CAMTA1: variants seen among roughly 807,000 people sequenced by gnomAD.
CAMTA1 encodes the protein calmodulin-binding transcription activator 1.
Under a neutral mutation model 170.9 loss-of-function variants are expected in CAMTA1, and 27 were observed. The observed-to-expected ratio is 0.16, with a 90% confidence interval of 0.12 to 0.22. The LOEUF is 0.22. CAMTA1 is among the 10% of genes least tolerant of loss of function. CAMTA1 has a pLI of 1.00. For synonymous variants in CAMTA1, 833 were observed against 891.5 expected (o/e 0.93, Z 1.17); for missense variants, 1,619 against 2,217.2 (o/e 0.73, Z 5.42).
chr1:7,760,222 G>A (rs1208418214), intron 22 of CAMTA1, among the ~76,000 whole-genome samples: 1 of 152,124 alleles, frequency 6.6e-6, no homozygotes, highest in Non-Finnish European at 1.5e-5. Flanking sequence ...TTGAGAACCG[G>A]GTTTCCAAAC....
At chr1:7,494,836 G>T (rs2093799787) in intron 6 of CAMTA1, among the ~76,000 whole-genome samples, 1 of 151,802 alleles carries the variant, frequency 6.6e-6, no homozygotes. Flanking sequence ...AGGCCAAGAG[G>T]TCTGGTCCAG....
chr1:6,860,634 G>A (rs1664312806), intron 3 of CAMTA1, among the ~76,000 whole-genome samples: 2 of 152,114 alleles, frequency 1.3e-5, no homozygotes, highest in African/African-American at 4.8e-5. Context: ...TCAGGGCCGG[G>A]CGCAATGACT....
chr1:7,185,886 A>G (rs777297393), intron 4 of CAMTA1, among the ~76,000 whole-genome samples: 4 of 152,250 alleles, frequency 2.6e-5, no homozygotes, highest in African/African-American at 9.6e-5. Flanking sequence ...AAAGAGATAC[A>G]AAAACTGGAT....
rs78644822 is a variant in CAMTA1, at chr1:7,455,312, G to A, written c.439-12518G>A. 6.2e-4 allele frequency among the ~76,000 whole-genome samples: 95 copies of A among 152,316 alleles called. No homozygotes were observed. Among genetic ancestry groups the A allele is most frequent in the African/African-American group, 2.3e-3 (94 of 41,560 alleles). On this transcript the variant is annotated intron_variant, in intron 5 of 22. Transcript: ENST00000303635. This position sits in a 1 kb window ranked among gnomAD's most constrained non-coding sequence, Gnocchi z 5.0. ...GCTGTCTGCTCTCTTTTGTAGAGAT[G>A]TTTTCGTGAACTTGAGAAAAAATCG...
At chr1:7,502,041 A>T (rs897172117) in intron 6 of CAMTA1, among the ~76,000 whole-genome samples, 1 of 152,176 alleles carries the variant, frequency 6.6e-6, no homozygotes, top group Non-Finnish European at 1.5e-5. Flanking sequence ...AGCCCCCCGG[A>T]GGAGGAAGCA....
At chr1:6,898,016 A>AACCCTACGAATCCAAAGTTGTTT (rs1676034497) in intron 3 of CAMTA1, among the ~76,000 whole-genome samples, 4 of 152,144 alleles carry the variant, frequency 2.6e-5, no homozygotes, top group Non-Finnish European at 4.4e-5. Context: ...GTATCTGAAA[A>AACCCTACGAATCCAAAGTTGTTT]ACCCTACGAA....
chr1:7,346,601 C>T (rs997563377), intron 5 of CAMTA1, among the ~76,000 whole-genome samples: 4 of 152,184 alleles, frequency 2.6e-5, no homozygotes, highest in African/African-American at 9.7e-5. Flanking sequence ...TTTTGAAAAT[C>T]AAAAGTATTT....
chr1:7,763,213 A>C (rs2150311207), intron 22 of CAMTA1, among the ~76,000 whole-genome samples: 1 of 152,362 alleles, frequency 6.6e-6, no homozygotes, highest in South Asian at 2.1e-4. Context: ...TAACCTGTAT[A>C]GCTATTGGAA....
Position 7,732,341 on chromosome 1 carries a change from A to G in CAMTA1, c.2915-107A>G. ...TGGCGGAGACCTCTCTGGTTTGGTG[A>G]AGTTACGGACGGCATTTGGATGCTG... On this transcript the variant is annotated intron_variant, in intron 11 of 22. Coordinates refer to ENST00000303635, the MANE Select transcript of CAMTA1 (RefSeq NM_015215.4). This position sits in a 1 kb window ranked among gnomAD's most constrained non-coding sequence, Gnocchi z 4.1. The G allele has an allele frequency of 1.1e-6, 1 of 904,662 alleles. No individual in the cohort carries two copies. Among genetic ancestry groups the G allele is most frequent in the South Asian group, 1.5e-5 (1 of 66,800 alleles). 56.0% of individuals were successfully genotyped at this position (904,662 alleles called of 1,614,324 possible). A position where few individuals can be genotyped will look rare whatever the true frequency, so the allele number is the denominator to read the frequency against.
intron 3 of CAMTA1, among the ~76,000 whole-genome samples, chr1:6,842,260 C>T (rs1347527514): frequency 6.6e-6 from 1 of 152,210 alleles, no homozygotes; most frequent in East Asian, 1.9e-4. Flanking sequence ...GGGAGAGGTG[C>T]TGGTCTTAAA....
rs748091771 is a variant in CAMTA1 at position 7,732,676 on chromosome 1, G to T, written c.3066+77G>T. On this transcript the variant is annotated intron_variant, in intron 12 of 22. Coordinates refer to ENST00000303635, the MANE Select transcript of CAMTA1 (RefSeq NM_015215.4). The surrounding 1 kb of genome is among the most constrained non-coding windows in gnomAD (Gnocchi z 4.1). ...TGGCGAGGCAGTGGATGGATCACAG[G>T]CCTCTTCTCTGCTGCTGATGCGGTC... The T allele has an allele frequency of 8.1e-6, 12 of 1,478,962 alleles. No homozygotes were observed. The highest frequency in any genetic ancestry group is 1.1e-5 in the Non-Finnish European group (12 of 1,111,600). 91.6% of individuals were successfully genotyped at this position (1,478,962 alleles called of 1,614,324 possible).
chr1:7,428,866 G>A (rs572489071), intron 5 of CAMTA1, among the ~76,000 whole-genome samples: 7 of 152,278 alleles, frequency 4.6e-5, no homozygotes, highest in Non-Finnish European at 1.0e-4. Flanking sequence ...CCGGTGCCTG[G>A]CACCACTGTA....
rs975330456 is a variant in CAMTA1, at chr1:7,333,292, A to G, written c.438+83666A>G. Among the ~76,000 whole-genome samples, 5 of 152,168 alleles carry G rather than the reference A, an allele frequency of 3.3e-5. No individual in the cohort carries two copies. The highest frequency in any genetic ancestry group is 7.4e-5 in the Non-Finnish European group (5 of 68,020). ...AGGTTGGGCTCTGCAAGCTTTGGCA[A>G]TTGACATGAGTTGAACCTAGTTGTC... On this transcript the variant is annotated intron_variant, in intron 5 of 22. Coordinates refer to ENST00000303635, the MANE Select transcript of CAMTA1 (RefSeq NM_015215.4). The surrounding 1 kb of genome is among the most constrained non-coding windows in gnomAD (Gnocchi z 4.4).
rs1665519261 is a variant in CAMTA1, at chr1:7,244,925, AATT to A, written c.303-4564_303-4562del. ...ATAAAAATAAATACATAAATAAATT[AATT>A]AATTAATTAACTTCGGAAGATTGAC... On this transcript the variant is annotated intron_variant, in intron 4 of 22. Transcript: ENST00000303635. Among the ~76,000 whole-genome samples, 4 of 150,880 alleles carry A rather than the reference AATT, an allele frequency of 2.7e-5. No homozygotes were observed. In the East Asian group the frequency reaches 5.8e-4, roughly 22 times the overall value.
chr1:7,525,794 T>G (rs2094424832), intron 6 of CAMTA1, among the ~76,000 whole-genome samples: 1 of 152,052 alleles, frequency 6.6e-6, no homozygotes. Context: ...TCCACGAGCA[T>G]CTACTGAGCA....
At chr1:6,986,278 A>T (rs956534056) in intron 3 of CAMTA1, among the ~76,000 whole-genome samples, 1 of 152,194 alleles carries the variant, frequency 6.6e-6, no homozygotes, top group Non-Finnish European at 1.5e-5. Flanking sequence ...GCATCAAAGG[A>T]TGGTTGTTTG....
chr1:7,274,586 C>G (rs1443527398), intron 5 of CAMTA1, among the ~76,000 whole-genome samples: 2 of 152,070 alleles, frequency 1.3e-5, no homozygotes, highest in African/African-American at 4.8e-5. Context: ...TCAAACAACT[C>G]GATCTAATTG....
chr1:7,436,587 T>A (rs1275283280), intron 5 of CAMTA1, among the ~76,000 whole-genome samples: 10 of 151,838 alleles, frequency 6.6e-5, no homozygotes, highest in African/African-American at 1.9e-4. Flanking sequence ...CGGTAAGGGG[T>A]CCCTCCTTGC....
chr1:7,591,440 G>A (rs1252691859), intron 6 of CAMTA1, among the ~76,000 whole-genome samples: 1 of 152,178 alleles, frequency 6.6e-6, no homozygotes, highest in East Asian at 1.9e-4. Flanking sequence ...ATTAAGTCTG[G>A]AATTTGTTAA....
Sources: gnomAD v4.1 joint callset for allele counts (sites outside exome capture counted in the v4.1 genomes callset) on GRCh38, gnomAD v4.1.1 for gene constraint, Gnocchi (gnomAD v3.1) non-coding constraint, MANE v1.5 for transcripts, NCBI Gene and HGNC (gene_info 2026-07-23, HGNC 2026-07-21) for gene names.